EPAS1: variants seen among roughly 807,000 people sequenced by gnomAD.
EPAS1 encodes the protein endothelial PAS domain protein 1, also known as endothelial PAS domain-containing protein 1.
EPAS1 carries 23 observed loss-of-function variants against 87.9 expected under a neutral mutation model. The ratio of observed to expected loss-of-function variants is 0.26; its 90% CI spans 0.19 to 0.37. The LOEUF (loss-of-function observed/expected upper bound fraction) is 0.37, where lower values mean the gene tolerates loss of function less well. Among genes scored for constraint, EPAS1 ranks in the 10% least tolerant of loss-of-function variants. The pLI is 1.00. For missense variants in EPAS1, 1,138 were observed against 1,120.7 expected (o/e 1.02, Z -0.22); for synonymous variants, 508 against 444.3 (o/e 1.14, Z -1.80).
chr2:46,367,851 A>C (rs2103649324), intron 6 of EPAS1, among the ~76,000 whole-genome samples: 1 of 152,250 alleles, frequency 6.6e-6, no homozygotes, highest in South Asian at 2.1e-4. Flanking sequence ...AAACCAGATG[A>C]CTTACAGAAT....
intron 9 of EPAS1, among the ~76,000 whole-genome samples, chr2:46,377,601 T>G (rs2103666440): frequency 6.6e-6 from 1 of 152,344 alleles, no homozygotes; most frequent in African/African-American, 2.4e-5. Flanking sequence ...CATACCTTCC[T>G]TGTCTACCCT....
chr2:46,321,289 G>A (rs1194813854), intron 1 of EPAS1, among the ~76,000 whole-genome samples: 1 of 152,180 alleles, frequency 6.6e-6, no homozygotes, highest in Non-Finnish European at 1.5e-5. Context: ...TTCTGTCAAG[G>A]GACATTTGAG....
intron 1 of EPAS1, among the ~76,000 whole-genome samples, chr2:46,343,548 T>A (rs568156113): frequency 7.2e-5 from 11 of 152,376 alleles, no homozygotes; most frequent in African/African-American, 2.6e-4. Context: ...ATCTATTAAA[T>A]GGAGATGATA....
chr2:46,368,449 T>C (rs1684550147), intron 6 of EPAS1, among the ~76,000 whole-genome samples: 1 of 152,150 alleles, frequency 6.6e-6, no homozygotes, highest in Non-Finnish European at 1.5e-5. Flanking sequence ...GAGTAGGTTC[T>C]GGGGGGACTT....
intron 1 of EPAS1, among the ~76,000 whole-genome samples, chr2:46,332,183 C>G (rs115194847): frequency 0.025 from 3,839 of 151,368 alleles, 92 homozygotes; most frequent in Admixed American, 0.041. Context: ...GGTTAAGTGC[C>G]AAGTTTTGAC....
At chr2:46,311,483 C>A (rs1683211342) in intron 1 of EPAS1, among the ~76,000 whole-genome samples, 1 of 152,112 alleles carries the variant, frequency 6.6e-6, no homozygotes, top group African/African-American at 2.4e-5. Flanking sequence ...CTAAGAACTC[C>A]CCTAGGCTAG....
chr2:46,326,113 A>C (rs1306012779), intron 1 of EPAS1, among the ~76,000 whole-genome samples: 1 of 152,214 alleles, frequency 6.6e-6, no homozygotes, highest in Non-Finnish European at 1.5e-5. Flanking sequence ...TCTAGGCATC[A>C]GTTGCCCCTG....
chr2:46,335,216 G>A (rs1171153781), intron 1 of EPAS1, among the ~76,000 whole-genome samples: 2 of 152,198 alleles, frequency 1.3e-5, no homozygotes, highest in Non-Finnish European at 2.9e-5. Flanking sequence ...TAGTAAGGCA[G>A]ATCCTAGGAT....
intron 1 of EPAS1, among the ~76,000 whole-genome samples, chr2:46,334,314 G>C (rs1191838142): frequency 1.3e-5 from 2 of 152,244 alleles, no homozygotes; most frequent in South Asian, 2.1e-4. Context: ...TCGTGTGCTT[G>C]GCACCTTATG....
intron 12 of EPAS1, 142 bp from the exon 13 acceptor site, chr2:46,381,454 C>T: frequency 7.4e-7 from 1 of 1,353,896 alleles, no homozygotes; most frequent in Non-Finnish European, 1.0e-6. Context: ...AGGTGCACAG[C>T]CTGCCTCTGA....
chr2:46,331,914 C>G (rs1489695231), intron 1 of EPAS1, among the ~76,000 whole-genome samples: 1 of 152,118 alleles, frequency 6.6e-6, no homozygotes, highest in Non-Finnish European at 1.5e-5. Flanking sequence ...TAAAGTCTTT[C>G]TCTGCTGCTG....
Position 46,375,178 on chromosome 2 carries a change from G to GAAAAA in EPAS1, c.887-505_887-501dup, listed in dbSNP as rs750659594. Among the ~76,000 whole-genome samples, 2 of 117,562 alleles carry GAAAAA rather than the reference G, an allele frequency of 1.7e-5. No individual in the cohort carries two copies. Among genetic ancestry groups the GAAAAA allele is most frequent in the Non-Finnish European group, 3.5e-5 (2 of 57,076 alleles). The allele number at this position is 117,562 out of a possible 152,430, so 77.1% of individuals were successfully genotyped here. ...GCAGGGTATTGGTGGTGGGTCTGCT[G>GAAAAA]AAAAAAAAAAACAAAAAAAAACAAA... On this transcript the variant is annotated intron_variant, in intron 7 of 15. Coordinates refer to ENST00000263734, the MANE Select transcript of EPAS1 (RefSeq NM_001430.5). This position sits in a 1 kb window ranked among gnomAD's most constrained non-coding sequence, Gnocchi z 4.1.
Position 46,347,053 on chromosome 2 carries a change from C to T in EPAS1, c.207C>T (p.Leu69=), listed in dbSNP as rs149032648. 6.2e-7 allele frequency: 1 copy of T among 1,614,124 alleles called. No individual in the cohort carries two copies. Among genetic ancestry groups the T allele is most frequent in the African/African-American group, 1.3e-5 (1 of 74,938 alleles). Residue 69 remains leucine, a synonymous_variant, in exon 2 of 16, where the codon CTC becomes CTT. Coordinates refer to ENST00000263734, the MANE Select transcript of EPAS1 (RefSeq NM_001430.5). This position sits in a 1 kb window ranked among gnomAD's most constrained non-coding sequence, Gnocchi z 4.2. ...TCAGCTTCCTGCGAACACACAAGCTCCTCTCCTCAGGTAAGGCCAGCAGGC... is the reference window on the plus strand; with the variant it reads ...TCAGCTTCCTGCGAACACACAAGCTTCTCTCCTCAGGTAAGGCCAGCAGGC... The part of the protein sequence containing the change: ...LAISFLRTHK[L]LSSVCSENES...
chr2:46,382,795 C>T (rs1684930918), intron 15 of EPAS1, among the ~76,000 whole-genome samples, 197 bp downstream of exon 15: 2 of 152,170 alleles, frequency 1.3e-5, no homozygotes, highest in African/African-American at 4.8e-5. Context: ...GATCAGGCCC[C>T]CCAGTGGGTG....
At chr2:46,338,356 A>G (rs1433685559) in intron 1 of EPAS1, among the ~76,000 whole-genome samples, 2 of 152,244 alleles carry the variant, frequency 1.3e-5, no homozygotes, top group Non-Finnish European at 1.5e-5. Context: ...TATAGTCAGT[A>G]TCTCAGCTTG....
At chr2:46,383,740 T>A (rs1684952672) in intron 15 of EPAS1, among the ~76,000 whole-genome samples, 1 of 152,224 alleles carries the variant, frequency 6.6e-6, no homozygotes, top group African/African-American at 2.4e-5. Flanking sequence ...TGACCATGAA[T>A]AAGAGAAGTT....
chr2:46,312,650 C>G (rs1398379355), intron 1 of EPAS1, among the ~76,000 whole-genome samples: 1 of 152,002 alleles, frequency 6.6e-6, no homozygotes, highest in Non-Finnish European at 1.5e-5. Context: ...CTAGGGGACT[C>G]TTGCTCTCAG....
At chr2:46,327,783 G>A (rs1370847023) in intron 1 of EPAS1, among the ~76,000 whole-genome samples, 1 of 152,164 alleles carries the variant, frequency 6.6e-6, no homozygotes, top group Non-Finnish European at 1.5e-5. Flanking sequence ...GTTCTGCCCT[G>A]TTCAGCTTTG....
chr2:46,316,347 C>T (rs1356911109), intron 1 of EPAS1, among the ~76,000 whole-genome samples: 1 of 152,068 alleles, frequency 6.6e-6, no homozygotes, highest in Non-Finnish European at 1.5e-5. Context: ...CAACTTCCGC[C>T]TCCTGGGTTC....
Sources: gnomAD v4.1 joint callset for allele counts (sites outside exome capture counted in the v4.1 genomes callset) on GRCh38, gnomAD v4.1.1 for gene constraint, Gnocchi (gnomAD v3.1) non-coding constraint, MANE v1.5 for transcripts, NCBI Gene and HGNC (gene_info 2026-07-23, HGNC 2026-07-21) for gene names.